Variants in SLCO6A1 observed in about 807,000 individuals in gnomAD.
The protein encoded by SLCO6A1 is cancer/testis antigen 48.
A neutral mutation model predicts 72.7 loss-of-function variants in SLCO6A1; 65 were observed. That is an observed-to-expected ratio of 0.89 (90% CI 0.73 to 1.10). SLCO6A1 has a LOEUF of 1.10. Among genes scored for constraint, SLCO6A1 ranks in the 50% least tolerant of loss-of-function variants. SLCO6A1 has a pLI of 0.00. For missense variants in SLCO6A1, 874 were observed against 872.6 expected (o/e 1.00, Z -0.02); for synonymous variants, 314 against 298.2 (o/e 1.05, Z -0.55).
At chr5:102,467,342 A>G (rs1004425054) in intron 4 of SLCO6A1, among the ~76,000 whole-genome samples, 21 of 152,048 alleles carry the variant, frequency 1.4e-4, no homozygotes, top group African/African-American at 5.1e-4. Context: ...GAGTCCAGGA[A>G]TTGAGGCTTT....
At chr5:102,380,329 C>T (rs1336069643) in intron 12 of SLCO6A1, among the ~76,000 whole-genome samples, 1 of 151,896 alleles carries the variant, frequency 6.6e-6, no homozygotes, top group East Asian at 1.9e-4. Context: ...CTGATGGAAT[C>T]CTTCATTTGA....
intron 11 of SLCO6A1, among the ~76,000 whole-genome samples, chr5:102,389,956 T>C (rs1380388008): frequency 1.3e-5 from 2 of 152,144 alleles, no homozygotes; most frequent in African/African-American, 2.4e-5. Flanking sequence ...CCAAGGCTGG[T>C]CTCCAACTCC....
Position 102,498,821 on chromosome 5 carries a change from G to T in SLCO6A1, c.24C>A (p.His8Gln). The change falls in exon 1 of 14, where the codon CAC becomes CAA. Residue 8 changes from histidine (H) to glutamine (Q), a missense_variant. By Grantham distance (24) the His-to-Gln change is conservative. Coordinates refer to ENST00000506729, the MANE Select transcript of SLCO6A1 (RefSeq NM_173488.5). The part of the protein sequence containing the change: MFVGVAR[H>Q]SGSQDEVSRG... ...TTGAGACTTCATCCTGGCTCCCAGA[G>T]TGCCGGGCGACGCCTACGAACATGG... is the stretch of plus-strand genomic sequence containing the variant. 6.2e-7 allele frequency: 1 copy of T among 1,611,942 alleles called. No homozygotes were observed.
rs1156801329 is a variant in SLCO6A1, at chr5:102,477,755, T to C, written c.723A>G (p.Ile241Met). 1.9e-6 allele frequency: 3 copies of C among 1,613,694 alleles called. No individual in the cohort carries two copies. The highest frequency in any genetic ancestry group is 1.3e-5 in the African/African-American group (1 of 74,902). ...FFILGQTVQG[I>M]AGMPLYILGI... ...CAAGGATATAAAGAGGCATTCCTGC[T>C]ATTCCCTGCACAGTCTGCCCAAGGA... Residue 241 changes from isoleucine to methionine, a missense_variant, in exon 3 of 14, where the codon ATA becomes ATG. Transcript: ENST00000506729.
chr5:102,440,306 C>T (rs908858011), intron 6 of SLCO6A1, among the ~76,000 whole-genome samples: 2 of 152,102 alleles, frequency 1.3e-5, no homozygotes, highest in Non-Finnish European at 2.9e-5. Context: ...GAGTGGCAGG[C>T]GCGCTCTGCA....
chr5:102,387,494 T>G (rs533043376), intron 12 of SLCO6A1, among the ~76,000 whole-genome samples: 2 of 152,272 alleles, frequency 1.3e-5, no homozygotes, highest in Admixed American at 6.5e-5. Flanking sequence ...TTAAGAACAT[T>G]TCTTATTTTT....
chr5:102,457,455 A>C lies in SLCO6A1; in HGVS notation c.1131+927T>G, dbSNP rs184059475. Among the ~76,000 whole-genome samples, 248 of 152,274 alleles carry C rather than the reference A, an allele frequency of 1.6e-3. 1 individual carries two copies. The highest frequency in any genetic ancestry group is 5.4e-3 in the African/African-American group (224 of 41,556). On this transcript the variant is annotated intron_variant, in intron 6 of 13. Coordinates refer to ENST00000506729, the MANE Select transcript of SLCO6A1 (RefSeq NM_173488.5). ...AAGTGGGCAAAGGATATGAACAGAC[A>C]CTTCTCAAAAAAAGATATTTATGCT...
At chr5:102,422,930 G>T (rs1326307130) in intron 7 of SLCO6A1, among the ~76,000 whole-genome samples, 2 of 152,142 alleles carry the variant, frequency 1.3e-5, no homozygotes, top group African/African-American at 4.8e-5. Flanking sequence ...AGATCTCTCT[G>T]CAGAAACCCT....
Position 102,433,185 on chromosome 5 carries a change from C to T in SLCO6A1, c.1276+5432G>A, listed in dbSNP as rs372553496. On this transcript the variant is annotated intron_variant, in intron 7 of 13. Coordinates refer to ENST00000506729, the MANE Select transcript of SLCO6A1 (RefSeq NM_173488.5). The stretch of plus-strand genomic sequence containing the variant: ...CCAGATCCCGTATACTTTGTGATTC[C>T]TAGCTTCCTTAGAATGAGTTTCAAC... Among the ~76,000 whole-genome samples the T allele has an allele frequency of 3.9e-5, 6 of 152,242 alleles. No individual in the cohort carries two copies. The East Asian group carries it at 1.2e-3, about 30-fold the overall frequency.
chr5:102,479,356 CTTCT>C (rs1485810191), intron 2 of SLCO6A1, among the ~76,000 whole-genome samples: 1 of 152,140 alleles, frequency 6.6e-6, no homozygotes, highest in Non-Finnish European at 1.5e-5. Context: ...TCAATTAAAT[CTTCT>C]TTCTTTATAA....
intron 6 of SLCO6A1, among the ~76,000 whole-genome samples, chr5:102,451,770 C>T (rs183320222): frequency 6.6e-6 from 1 of 152,286 alleles, no homozygotes; most frequent in African/African-American, 2.4e-5. Context: ...TGATGAATCC[C>T]AATGTGTCCT....
chr5:102,382,629 C>T (rs1328986834), intron 12 of SLCO6A1, among the ~76,000 whole-genome samples: 1 of 151,294 alleles, frequency 6.6e-6, no homozygotes, highest in Non-Finnish European at 1.5e-5. Context: ...TAGGATATTT[C>T]CATCTATTAG....
intron 7 of SLCO6A1, among the ~76,000 whole-genome samples, chr5:102,435,637 G>T (rs1485629075): frequency 6.6e-6 from 1 of 152,166 alleles, no homozygotes; most frequent in Non-Finnish European, 1.5e-5. Flanking sequence ...CACTTTGGGA[G>T]GCCAAGGCGG....
chr5:102,486,345 T>A (rs1480811571), intron 1 of SLCO6A1, among the ~76,000 whole-genome samples: 1 of 152,152 alleles, frequency 6.6e-6, no homozygotes, highest in Non-Finnish European at 1.5e-5. Context: ...TATCTTCCCA[T>A]TTTTAAGCTT....
Position 102,457,215 on chromosome 5 carries a change from C to T in SLCO6A1, c.1131+1167G>A, listed in dbSNP as rs150974265. On this transcript the variant is annotated intron_variant, in intron 6 of 13. Coordinates refer to ENST00000506729, the MANE Select transcript of SLCO6A1 (RefSeq NM_173488.5). ...GGGCAAGGACTTCATGTCTAAAGCA[C>T]GAAAAGCAATGGCAACAAAAGCCAA... Among the ~76,000 whole-genome samples, 462 of 152,180 alleles carry T rather than the reference C, an allele frequency of 3.0e-3. 15 individuals carry two copies. The East Asian group carries it at 0.056, about 18-fold the overall frequency.
chr5:102,477,882 A>T (rs746050355), intron 2 of SLCO6A1, 21 bp from the exon 3 acceptor site: 1 of 1,570,534 alleles, frequency 6.4e-7, no homozygotes, highest in East Asian at 2.3e-5. Context: ...TACAATGATT[A>T]TATTTTTGTT....
chr5:102,476,311 T>A (rs998691661), intron 3 of SLCO6A1, among the ~76,000 whole-genome samples: 1 of 152,074 alleles, frequency 6.6e-6, no homozygotes, highest in Admixed American at 6.6e-5. Context: ...AAAATACAAT[T>A]ATGAGGCCTA....
chr5:102,495,091 CATGA>C (rs1350638089), intron 1 of SLCO6A1, among the ~76,000 whole-genome samples: 1 of 152,092 alleles, frequency 6.6e-6, no homozygotes, highest in Non-Finnish European at 1.5e-5. Context: ...CACACAAAAA[CATGA>C]ATGAATCTCA....
Position 102,447,561 on chromosome 5 carries a change from T to C in SLCO6A1, c.1132-8800A>G, listed in dbSNP as rs548077896. On this transcript the variant is annotated intron_variant, in intron 6 of 13. Coordinates refer to ENST00000506729, the MANE Select transcript of SLCO6A1 (RefSeq NM_173488.5). ...TGATTCAATTTTGGAACTCAATACTTGTCTGTTCAGGGTTTCAATTTCTTC... is the reference window on the plus strand; with the variant it reads ...TGATTCAATTTTGGAACTCAATACTCGTCTGTTCAGGGTTTCAATTTCTTC... Among the ~76,000 whole-genome samples the C allele has an allele frequency of 3.9e-5, 6 of 152,304 alleles. No homozygotes were observed. The East Asian group carries it at 9.6e-4, about 24-fold the overall frequency.
Sources: allele counts gnomAD v4.1 joint callset (sites outside exome capture counted in the v4.1 genomes callset), GRCh38; gene constraint gnomAD v4.1.1; transcripts MANE v1.5; gene names NCBI Gene and HGNC (gene_info 2026-07-23, HGNC 2026-07-21).